The following PCP4L1 variants were observed in gnomAD, a reference collection of about 807,000 sequenced individuals.
PCP4L1 encodes the protein Purkinje cell protein 4-like protein 1.
In PCP4L1, 9 loss-of-function variants were observed where a neutral mutation model predicts 9.6. The observed-to-expected ratio is 0.94, with a 90% CI of 0.57 to 1.64. The LOEUF is 1.64. PCP4L1 is among the 40% of genes most tolerant of loss of function. The pLI, the probability that PCP4L1 is intolerant of heterozygous loss-of-function variation, is 0.00. For missense variants in PCP4L1, 81 were observed against 80.8 expected (o/e 1.00, Z -0.01); for synonymous variants, 31 against 28.2 (o/e 1.10, Z -0.31).
intron 1 of PCP4L1, among the ~76,000 whole-genome samples, chr1:161,263,613 T>C (rs1256605539): frequency 6.7e-6 from 1 of 149,894 alleles, no homozygotes; most frequent in Non-Finnish European, 1.5e-5. Context: ...TGAGACAATA[T>C]CTCTGTCACC....
At chr1:161,276,679 CTT>C (rs1669702815) in intron 1 of PCP4L1, among the ~76,000 whole-genome samples, 1 of 104,524 alleles carries the variant, frequency 9.6e-6, no homozygotes, top group African/African-American at 4.0e-5. Flanking sequence ...AGACTTATCT[CTT>C]AAAAAAAAAA....
intron 1 of PCP4L1, among the ~76,000 whole-genome samples, chr1:161,274,655 G>A (rs993726073): frequency 6.6e-6 from 1 of 152,196 alleles, no homozygotes; most frequent in African/African-American, 2.4e-5. Context: ...ATAAACAGGA[G>A]GGTTGAGGCA....
intron 1 of PCP4L1, among the ~76,000 whole-genome samples, chr1:161,278,711 T>C (rs1435594802): frequency 6.6e-6 from 1 of 152,194 alleles, no homozygotes; most frequent in African/African-American, 2.4e-5. Flanking sequence ...AAGACACATA[T>C]TCTGGCTATC....
At chr1:161,277,986 G>C (rs1185744878) in intron 1 of PCP4L1, among the ~76,000 whole-genome samples, 2 of 151,898 alleles carry the variant, frequency 1.3e-5, no homozygotes, top group Non-Finnish European at 2.9e-5. Flanking sequence ...TATTCTTATC[G>C]AAGGGCAACC....
chr1:161,281,790 G>T (rs1464305170), intron 1 of PCP4L1, among the ~76,000 whole-genome samples: 1 of 21,020 alleles, frequency 4.8e-5, no homozygotes, highest in Admixed American at 5.9e-4. Context: ...TCCCGGACGG[G>T]GCGGCGGGGC....
chr1:161,274,081 C>T (rs545504315), intron 1 of PCP4L1, among the ~76,000 whole-genome samples: 1 of 152,196 alleles, frequency 6.6e-6, no homozygotes, highest in Admixed American at 6.5e-5. Flanking sequence ...AATAATTATA[C>T]CTATTTTATA....
chr1:161,274,064 T>C (rs1669664409), intron 1 of PCP4L1, among the ~76,000 whole-genome samples: 1 of 152,220 alleles, frequency 6.6e-6, no homozygotes, highest in African/African-American at 2.4e-5. Flanking sequence ...CTCTGTGAAA[T>C]AGAAATAATA....
At chr1:161,275,408 C>T (rs912303841) in intron 1 of PCP4L1, among the ~76,000 whole-genome samples, 9 of 149,732 alleles carry the variant, frequency 6.0e-5, no homozygotes, top group Non-Finnish European at 1.2e-4. Context: ...CCCAGCTACT[C>T]GGGAGGCTGA....
chr1:161,259,679 G>C (rs935405700), intron 1 of PCP4L1, among the ~76,000 whole-genome samples: 35 of 152,210 alleles, frequency 2.3e-4, no homozygotes, highest in African/African-American at 8.0e-4. Context: ...TTCATGGGGT[G>C]GGGGAGTGGG....
chr1:161,281,288 A>G (rs1571802423), intron 1 of PCP4L1, among the ~76,000 whole-genome samples: 1 of 151,852 alleles, frequency 6.6e-6, no homozygotes, highest in East Asian at 1.9e-4. Flanking sequence ...TCTTTTCCCC[A>G]CCTTTCCCCC....
rs116108455 is a variant in PCP4L1, at chr1:161,265,677, C to T, written c.9+6694C>T. ...CTGCTGCTCAAAATGGCTTGACTTG[C>T]GTTGGAATTATTTTAGTTACAAAAG... On this transcript the variant is annotated intron_variant, in intron 1 of 2. Coordinates refer to ENST00000504449, the MANE Select transcript of PCP4L1 (RefSeq NM_001102566.2). Among the ~76,000 whole-genome samples, 1,009 of 149,980 alleles carry T rather than the reference C, an allele frequency of 6.7e-3. 12 individuals carry two copies. Among genetic ancestry groups the T allele is most frequent in the African/African-American group, 0.023 (956 of 40,722 alleles).
intron 1 of PCP4L1, among the ~76,000 whole-genome samples, chr1:161,272,461 G>A (rs1469526185): frequency 6.6e-6 from 1 of 151,452 alleles, no homozygotes; most frequent in Non-Finnish European, 1.5e-5. Flanking sequence ...GGGAGGCTGA[G>A]GCAGGAGAAT....
At chr1:161,282,888 G>A (rs963629403) in intron 1 of PCP4L1, among the ~76,000 whole-genome samples, 2 of 151,818 alleles carry the variant, frequency 1.3e-5, no homozygotes, top group Non-Finnish European at 2.9e-5. Flanking sequence ...CATCTTCATC[G>A]CCACCATGCT....
intron 1 of PCP4L1, among the ~76,000 whole-genome samples, chr1:161,272,039 C>A (rs1245326319): frequency 1.3e-5 from 2 of 151,180 alleles, no homozygotes; most frequent in Non-Finnish European, 3.0e-5. Flanking sequence ...TTCTTGGCCT[C>A]AAGTGATCTG....
At chr1:161,277,972 T>G (rs959605408) in intron 1 of PCP4L1, among the ~76,000 whole-genome samples, 7 of 152,198 alleles carry the variant, frequency 4.6e-5, no homozygotes, top group Non-Finnish European at 1.0e-4. Context: ...AGATAAACTG[T>G]CTGTATTCTT....
In PCP4L1 at chr1:161,267,054, C is replaced by T. The variant is rs1427153256; in HGVS notation, c.9+8071C>T. On this transcript the variant is annotated intron_variant, in intron 1 of 2. Coordinates refer to ENST00000504449, the MANE Select transcript of PCP4L1 (RefSeq NM_001102566.2). Reference sequence around the variant, plus strand: ...GAAGCAGATCCACTAACTCTCCTGTCCCCCTTCACTTCCTGCACCTCTAGA... The same window carrying T: ...GAAGCAGATCCACTAACTCTCCTGTTCCCCTTCACTTCCTGCACCTCTAGA... Among the ~76,000 whole-genome samples the T allele has an allele frequency of 4.6e-5, 7 of 152,142 alleles. 1 individual carries two copies. The highest frequency in any genetic ancestry group is 1.0e-4 in the Non-Finnish European group (7 of 68,024).
rs1385984163 is a variant in PCP4L1 at position 161,284,691 on chromosome 1, G to C, written c.*210G>C. The C allele has an allele frequency of 1.6e-6, 1 of 640,784 alleles. No individual in the cohort carries two copies. Among genetic ancestry groups the C allele is most frequent in the Non-Finnish European group, 2.7e-6 (1 of 372,956 alleles). 39.7% of individuals were successfully genotyped at this position (640,784 alleles called of 1,614,324 possible). A position where few individuals can be genotyped will look rare whatever the true frequency, so the allele number is the denominator to read the frequency against. Reference sequence around the variant, plus strand: ...TGAAGACTTCAATCAGCAGTCACTAGTCTAAGGGTGGAACAATTTCTTCTT... The same window carrying C: ...TGAAGACTTCAATCAGCAGTCACTACTCTAAGGGTGGAACAATTTCTTCTT... On this transcript the variant is annotated 3_prime_UTR_variant, in exon 3 of 3. Transcript: ENST00000504449.
chr1:161,284,581 T>C lies in PCP4L1; in HGVS notation c.*100T>C, dbSNP rs1445938461. The C allele has an allele frequency of 4.1e-6, 6 of 1,471,740 alleles. No homozygotes were observed. In the East Asian group the frequency reaches 1.5e-4, roughly 36 times the overall value. The allele number at this position is 1,471,740 out of a possible 1,614,324, so 91.2% of individuals were successfully genotyped here. On this transcript the variant is annotated 3_prime_UTR_variant, in exon 3 of 3. Transcript: ENST00000504449. ...ATCCCTTGTCCCTCTAGCCTTTCCT[T>C]GAGGCAAGTTCAACCTTTATATACT...
chr1:161,284,606 T>G lies in PCP4L1; in HGVS notation c.*125T>G, dbSNP rs1669878047. ...TGAGGCAAGTTCAACCTTTATATAC[T>G]CTTGTATCTGGCCCCCTCAAGCCAT... On this transcript the variant is annotated 3_prime_UTR_variant, in exon 3 of 3. Coordinates refer to ENST00000504449, the MANE Select transcript of PCP4L1 (RefSeq NM_001102566.2). The G allele has an allele frequency of 2.3e-6, 3 of 1,294,522 alleles. No individual in the cohort carries two copies. The highest frequency in any genetic ancestry group is 3.2e-6 in the Non-Finnish European group (3 of 948,378). The allele number at this position is 1,294,522 out of a possible 1,614,324, so 80.2% of individuals were successfully genotyped here. A position where few individuals can be genotyped will look rare whatever the true frequency, so the allele number is the denominator to read the frequency against.
Sources: allele counts gnomAD v4.1 joint callset (sites outside exome capture counted in the v4.1 genomes callset), GRCh38; gene constraint gnomAD v4.1.1; transcripts MANE v1.5; gene names NCBI Gene and HGNC (gene_info 2026-07-23, HGNC 2026-07-21).